OPCML: variants seen among roughly 807,000 people sequenced by gnomAD.
OPCML encodes the protein opioid-binding protein/cell adhesion molecule.
In OPCML, 13 loss-of-function variants were observed where a neutral mutation model predicts 37.8. The observed-to-expected ratio is 0.34, with a 90% CI of 0.22 to 0.55. The LOEUF is 0.55. OPCML is among the 20% of genes least tolerant of loss of function. The pLI is 0.91. For synonymous variants in OPCML, 176 were observed against 168.8 expected (o/e 1.04, Z -0.33); for missense variants, 341 against 435.6 (o/e 0.78, Z 1.93).
At chr11:133,385,106 C>T (rs1945016865) in intron 1 of OPCML, among the ~76,000 whole-genome samples, 1 of 152,114 alleles carries the variant, frequency 6.6e-6, no homozygotes, top group Non-Finnish European at 1.5e-5. Context: ...GAGGCTTGTC[C>T]TAAGAGGCAG....
intron 1 of OPCML, among the ~76,000 whole-genome samples, chr11:133,138,553 A>T (rs975166467): frequency 6.6e-6 from 1 of 152,214 alleles, no homozygotes; most frequent in Non-Finnish European, 1.5e-5. Context: ...ACCTGAAAAT[A>T]GGACAATCTG....
chr11:132,745,604 G>GAAAGA (rs1555183242), intron 2 of OPCML, among the ~76,000 whole-genome samples: 2 of 140,246 alleles, frequency 1.4e-5, no homozygotes, highest in African/African-American at 5.4e-5. Context: ...AAGAAAGAAA[G>GAAAGA]AAAAAAAAAG....
chr11:132,549,065 A>C (rs2096375518), intron 3 of OPCML, among the ~76,000 whole-genome samples: 1 of 152,156 alleles, frequency 6.6e-6, no homozygotes, highest in Admixed American at 6.5e-5. Context: ...GAGGTTAGGC[A>C]TTCTTAGACA....
chr11:132,975,986 G>A (rs981286736), intron 1 of OPCML, among the ~76,000 whole-genome samples: 45 of 152,206 alleles, frequency 3.0e-4, no homozygotes, highest in African/African-American at 8.4e-4. Context: ...TAGCCAGGAT[G>A]GTCTCGATCT....
intron 2 of OPCML, among the ~76,000 whole-genome samples, chr11:132,886,491 G>T: frequency 6.6e-6 from 1 of 152,228 alleles, no homozygotes; most frequent in East Asian, 1.9e-4. Context: ...AGAAGGACCA[G>T]CTCCAGCTGG....
At chr11:132,634,732 G>A (rs532649836) in intron 3 of OPCML, among the ~76,000 whole-genome samples, 13 of 152,206 alleles carry the variant, frequency 8.5e-5, no homozygotes, top group African/African-American at 2.9e-4. Context: ...ACTGCCCTTG[G>A]AAGCCAAAAG....
At chr11:132,743,614 C>T (rs545817681) in intron 2 of OPCML, among the ~76,000 whole-genome samples, 2 of 152,218 alleles carry the variant, frequency 1.3e-5, no homozygotes, top group African/African-American at 2.4e-5. Flanking sequence ...ATAACTACTT[C>T]TCTTCCTGGA....
intron 2 of OPCML, among the ~76,000 whole-genome samples, chr11:132,711,240 C>A (rs1031035626): frequency 1.3e-5 from 2 of 152,168 alleles, no homozygotes; most frequent in African/African-American, 4.8e-5. Context: ...TGGTTCTCCG[C>A]AAGCGAGGAC....
intron 4 of OPCML, among the ~76,000 whole-genome samples, chr11:132,509,389 A>G (rs1565623792): frequency 6.6e-6 from 1 of 152,200 alleles, no homozygotes; most frequent in Non-Finnish European, 1.5e-5. Context: ...AGCTGCAGAA[A>G]TTTGAGCAAG....
rs1299642731 is a variant in OPCML at position 132,629,139 on chromosome 11, C to A, written c.379+27948G>T. Among the ~76,000 whole-genome samples the A allele has an allele frequency of 2.6e-5, 4 of 152,064 alleles. No homozygotes were observed. In the South Asian group the frequency reaches 8.3e-4, roughly 32 times the overall value. ...GCACAGTAACACTTTCCTCTCACTT[C>A]TTCTGCTTCCCAGCCCAACCTGGTG... On this transcript the variant is annotated intron_variant, in intron 3 of 7. Coordinates refer to ENST00000524381, the MANE Select transcript of OPCML (RefSeq NM_001012393.5).
intron 1 of OPCML, among the ~76,000 whole-genome samples, chr11:132,949,194 G>A (rs930654143): frequency 1.3e-5 from 2 of 152,144 alleles, no homozygotes; most frequent in Non-Finnish European, 2.9e-5. Flanking sequence ...TACATGAAAC[G>A]TAAGGCGACC....
At chr11:133,213,223 GTT>G (rs35872459) in intron 1 of OPCML, among the ~76,000 whole-genome samples, 33,076 of 126,488 alleles carry the variant, frequency 0.26, 3,824 homozygotes, top group East Asian at 0.45. Flanking sequence ...TTCATAATGA[GTT>G]TTTTTTTTTT....
chr11:133,483,598 AT>A (rs1279365975), intron 1 of OPCML, among the ~76,000 whole-genome samples: 1 of 151,850 alleles, frequency 6.6e-6, no homozygotes, highest in Non-Finnish European at 1.5e-5. Flanking sequence ...AGATTCATAG[AT>A]AGAAAGAGAT....
At chr11:132,722,980 C>T (rs892578726) in intron 2 of OPCML, among the ~76,000 whole-genome samples, 1 of 152,068 alleles carries the variant, frequency 6.6e-6, no homozygotes, top group South Asian at 2.1e-4. Flanking sequence ...TGGAACAGAC[C>T]AGTCTGACCC....
intron 2 of OPCML, among the ~76,000 whole-genome samples, chr11:132,662,169 G>A (rs1229399223): frequency 2.0e-5 from 3 of 152,044 alleles, no homozygotes; most frequent in Admixed American, 2.0e-4. Context: ...ACAGATTGCT[G>A]AAGCCAGCCC....
chr11:132,824,639 T>C (rs1044152475), intron 2 of OPCML, among the ~76,000 whole-genome samples: 1 of 152,224 alleles, frequency 6.6e-6, no homozygotes, highest in African/African-American at 2.4e-5. Context: ...GGTCACCAAC[T>C]GCCCCCCTAT....
intron 2 of OPCML, among the ~76,000 whole-genome samples, chr11:132,682,196 G>A (rs749859604): frequency 6.6e-6 from 1 of 152,130 alleles, no homozygotes; most frequent in Non-Finnish European, 1.5e-5. Flanking sequence ...ACAAGAGGTT[G>A]AGAGCTATGG....
In OPCML at chr11:132,787,464, G is replaced by A. The variant is rs554107091; in HGVS notation, c.147-130145C>T. On this transcript the variant is annotated intron_variant, in intron 2 of 7. Transcript: ENST00000524381. ...AGTCCTTACTAATTGAGGGCAAATCGCATAGCTTTGTTCAGTTTTCACATC... is the reference window on the plus strand; with the variant it reads ...AGTCCTTACTAATTGAGGGCAAATCACATAGCTTTGTTCAGTTTTCACATC... Among the ~76,000 whole-genome samples the A allele has an allele frequency of 1.0e-3, 159 of 152,154 alleles. 1 individual carries two copies. Among genetic ancestry groups the A allele is most frequent in the Non-Finnish European group, 1.9e-3 (130 of 67,998 alleles).
chr11:133,226,221 C>G (rs995782734), intron 1 of OPCML, among the ~76,000 whole-genome samples: 16 of 152,284 alleles, frequency 1.1e-4, no homozygotes, highest in African/African-American at 3.6e-4. Flanking sequence ...CTCCACTCCC[C>G]CTCCTGCCCC....
Sources: allele counts gnomAD v4.1 joint callset (sites outside exome capture counted in the v4.1 genomes callset), GRCh38; gene constraint gnomAD v4.1.1; transcripts MANE v1.5; gene names NCBI Gene and HGNC (gene_info 2026-07-23, HGNC 2026-07-21).